C1QL4: variants seen among roughly 807,000 people sequenced by gnomAD.
C1QL4 encodes the protein complement C1q-like protein 4.
Under a neutral mutation model 13.4 loss-of-function variants are expected in C1QL4, and 5 were observed. The observed-to-expected ratio is 0.37, with a 90% CI of 0.19 to 0.78. C1QL4 has a LOEUF of 0.78. C1QL4 is among the 30% of genes least tolerant of loss of function. The pLI is 0.47. For missense variants in C1QL4, 367 were observed against 361.6 expected, an observed-to-expected ratio of 1.01 and a Z score of -0.12; for synonymous variants, 168 against 153.9, an observed-to-expected ratio of 1.09 and a Z score of -0.68.
rs138041050 is a variant in C1QL4, at chr12:49,336,124, C to T, written c.354G>A (p.Arg118=). ...GCAGCACCTCGTAACCCTCGTGGGG[C>T]CGCCGCAGGCCCGCGTAGAAAGCAA... ...PRIAFYAGLR[R]PHEGYEVLRF... The change falls in exon 1 of 2, where the codon CGG becomes CGA. Residue 118 remains arginine (R), a synonymous_variant. Coordinates refer to ENST00000334221, the MANE Select transcript of C1QL4 (RefSeq NM_001008223.2). This position sits in a 1 kb window ranked among gnomAD's most constrained non-coding sequence, Gnocchi z 7.7. The T allele has an allele frequency of 3.3e-5, 53 of 1,611,178 alleles. No individual in the cohort carries two copies. In the African/African-American group the frequency reaches 6.8e-4, roughly 21 times the overall value.
rs1214504465 is a variant in C1QL4 at position 49,336,165 on chromosome 12, C to G, written c.313G>C (p.Gly105Arg). The G allele has an allele frequency of 3.1e-6, 5 of 1,601,014 alleles. No individual in the cohort carries two copies. The highest frequency in any genetic ancestry group is 4.3e-6 in the Non-Finnish European group (5 of 1,173,980). The stretch of plus-strand genomic sequence containing the variant: ...TAGAAAGCAATGCGAGGCACGTAGC[C>G]GGCAGCGGGCGCCACCCCGCCCGGA... ...PGPGGVAPAA[G>R]YVPRIAFYAG... Residue 105 changes from glycine to arginine, a missense_variant, in exon 1 of 2, where the codon GGC becomes CGC. Coordinates refer to ENST00000334221, the MANE Select transcript of C1QL4 (RefSeq NM_001008223.2). The surrounding 1 kb of genome is among the most constrained non-coding windows in gnomAD (Gnocchi z 7.7).
rs1010134908 is a variant in C1QL4, at chr12:49,336,610, T to C, written c.-133A>G. The C allele has an allele frequency of 4.7e-6, 5 of 1,068,528 alleles. No individual in the cohort carries two copies. In the East Asian group the frequency reaches 9.7e-5, roughly 21 times the overall value. The allele number at this position is 1,068,528 out of a possible 1,614,324, so 66.2% of individuals were successfully genotyped here. On this transcript the variant is annotated 5_prime_UTR_variant, in exon 1 of 2. Transcript: ENST00000334221. This position sits in a 1 kb window ranked among gnomAD's most constrained non-coding sequence, Gnocchi z 7.7. ...GGGCTCTCCGCGGGCCAGGAGGCGG[T>C]GACCCGCCTTGGGCCTGGGTCTGCA...
In C1QL4 at chr12:49,332,901, C is replaced by G. The variant is rs953009877; in HGVS notation, c.*153G>C. The G allele has an allele frequency of 6.5e-6, 5 of 770,202 alleles. No homozygotes were observed. Among genetic ancestry groups the G allele is most frequent in the Non-Finnish European group, 1.0e-5 (5 of 491,036 alleles). 47.7% of individuals were successfully genotyped at this position (770,202 alleles called of 1,614,324 possible). A position where few individuals can be genotyped will look rare whatever the true frequency, so the allele number is the denominator to read the frequency against. ...CCCGGCCACTTATACCCTTGAGCAC[C>G]AAGAGTTCGCCCATTTAGGCCGCCT... On this transcript the variant is annotated 3_prime_UTR_variant, in exon 2 of 2. Coordinates refer to ENST00000334221, the MANE Select transcript of C1QL4 (RefSeq NM_001008223.2).
chr12:49,336,556 A>C lies in C1QL4; in HGVS notation c.-79T>G, dbSNP rs1592317330. 1 of 1,365,312 alleles carries C rather than the reference A, an allele frequency of 7.3e-7. No homozygotes were observed. The highest frequency in any genetic ancestry group is 1.7e-5 in the South Asian group (1 of 60,090). 84.6% of individuals were successfully genotyped at this position (1,365,312 alleles called of 1,614,324 possible). ...CTGCCAGGGCCAGCAAATCTTCCTCACTCTTGGGCGCAATGGCTGCCGGGG... is the reference window on the plus strand; with the variant it reads ...CTGCCAGGGCCAGCAAATCTTCCTCCCTCTTGGGCGCAATGGCTGCCGGGG... On this transcript the variant is annotated 5_prime_UTR_variant, in exon 1 of 2. Transcript: ENST00000334221. This position sits in a 1 kb window ranked among gnomAD's most constrained non-coding sequence, Gnocchi z 7.7.
intron 1 of C1QL4, among the ~76,000 whole-genome samples, chr12:49,335,677 A>G (rs7299812): frequency 0.26 from 39,041 of 152,136 alleles, 6,098 homozygotes; most frequent in African/African-American, 0.44. Context: ...ATGTGAGGTC[A>G]CAGCTGCAGA....
At position 49,336,495 on chromosome 12, in the gene C1QL4, C is replaced by T. The variant is rs1473811518; in HGVS notation, c.-18G>A. 2.0e-6 allele frequency: 3 copies of T among 1,480,396 alleles called. No homozygotes were observed. The highest frequency in any genetic ancestry group is 2.7e-5 in the South Asian group (2 of 74,288). 91.7% of individuals were successfully genotyped at this position (1,480,396 alleles called of 1,614,324 possible). A position where few individuals can be genotyped will look rare whatever the true frequency, so the allele number is the denominator to read the frequency against. The stretch of plus-strand genomic sequence containing the variant: ...AGCACCATGGCCACTCCGACGGCCG[C>T]GCCCGCCACCCTCTTGCGGCGGCTC... On this transcript the variant is annotated 5_prime_UTR_variant, in exon 1 of 2. Transcript: ENST00000334221. This position sits in a 1 kb window ranked among gnomAD's most constrained non-coding sequence, Gnocchi z 7.7.
chr12:49,332,866 T>A lies in C1QL4; in HGVS notation c.*188A>T. On this transcript the variant is annotated 3_prime_UTR_variant, in exon 2 of 2. Transcript: ENST00000334221. ...GTCGCTCTGCTCCTCTGGCCGGGTCTCCTCCTCTTCCCGGCCACTTATACC... is the reference window on the plus strand; with the variant it reads ...GTCGCTCTGCTCCTCTGGCCGGGTCACCTCCTCTTCCCGGCCACTTATACC... 1 of 642,216 alleles carries A rather than the reference T, an allele frequency of 1.6e-6. No homozygotes were observed. Among genetic ancestry groups the A allele is most frequent in the African/African-American group, 1.8e-5 (1 of 54,374 alleles). The allele number at this position is 642,216 out of a possible 1,614,324, so 39.8% of individuals were successfully genotyped here.
In C1QL4 at chr12:49,333,165, C is replaced by G; in HGVS notation, c.606G>C (p.Leu202=). Residue 202 remains leucine (L), a synonymous_variant, in exon 2 of 2, where the codon CTG becomes CTC. Transcript: ENST00000334221. ...NYDYASNSVI[L]HLDVGDEVFI... ...AGACCTCGTCGCCCACGTCCAGGTG[C>G]AGAATGACGCTGTTGCTGGCGTAGT... is the stretch of plus-strand genomic sequence containing the variant. 1.9e-6 allele frequency: 3 copies of G among 1,614,148 alleles called. No individual in the cohort carries two copies. Among genetic ancestry groups the G allele is most frequent in the Admixed American group, 3.3e-5 (2 of 60,024 alleles).
In C1QL4 at chr12:49,336,108, C is replaced by T. The variant is rs772842746; in HGVS notation, c.370G>A (p.Glu124Lys). 6.8e-6 allele frequency: 11 copies of T among 1,611,810 alleles called. No homozygotes were observed. The highest frequency in any genetic ancestry group is 4.4e-5 in the South Asian group (4 of 91,010). Residue 124 changes from glutamate to lysine, a missense_variant, in exon 1 of 2, where the codon GAG becomes AAG. By Grantham distance (56) the Glu-to-Lys change is moderately conservative. Transcript: ENST00000334221. This position sits in a 1 kb window ranked among gnomAD's most constrained non-coding sequence, Gnocchi z 7.7. ...AGLRRPHEGY[E>K]VLRFDDVVTN... ...ACCACGTCGTCGAAGCGCAGCACCT[C>T]GTAACCCTCGTGGGGCCGCCGCAGG...
Position 49,336,528 on chromosome 12 carries a change from A to G in C1QL4, c.-51T>C, listed in dbSNP as rs755909628. On this transcript the variant is annotated 5_prime_UTR_variant, in exon 1 of 2. Transcript: ENST00000334221. The surrounding 1 kb of genome is among the most constrained non-coding windows in gnomAD (Gnocchi z 7.7). ...ACCCTCTTGCGGCGGCTCAGCCGCG[A>G]CGCTGCCAGGGCCAGCAAATCTTCC... 2.1e-6 allele frequency: 3 copies of G among 1,432,666 alleles called. No homozygotes were observed. The highest frequency in any genetic ancestry group is 6.1e-5 in the Admixed American group (2 of 32,690). 88.7% of individuals were successfully genotyped at this position (1,432,666 alleles called of 1,614,324 possible).
Position 49,336,840 on chromosome 12 carries a change from G to T in C1QL4, c.-363C>A. ...GGGCACCTGAGATCCGCGGCTTCTC[G>T]GACGGCTGGTTTCTTAGGGATCTGA... On this transcript the variant is annotated 5_prime_UTR_variant, in exon 1 of 2. Transcript: ENST00000334221. The surrounding 1 kb of genome is among the most constrained non-coding windows in gnomAD (Gnocchi z 7.7). The T allele has an allele frequency of 4.3e-6, 1 of 231,580 alleles. No homozygotes were observed. The allele number at this position is 231,580 out of a possible 1,614,324, so 14.3% of individuals were successfully genotyped here. A position where few individuals can be genotyped will look rare whatever the true frequency, so the allele number is the denominator to read the frequency against.
At position 49,336,845 on chromosome 12, in the gene C1QL4, G is replaced by A; in HGVS notation, c.-368C>T. 1 of 223,060 alleles carries A rather than the reference G, an allele frequency of 4.5e-6. No homozygotes were observed. Among genetic ancestry groups the A allele is most frequent in the Non-Finnish European group, 8.8e-6 (1 of 113,754 alleles). The allele number at this position is 223,060 out of a possible 1,614,324, so 13.8% of individuals were successfully genotyped here. Reference sequence around the variant, plus strand: ...CCTGAGATCCGCGGCTTCTCGGACGGCTGGTTTCTTAGGGATCTGAGATGC... The same window carrying A: ...CCTGAGATCCGCGGCTTCTCGGACGACTGGTTTCTTAGGGATCTGAGATGC... On this transcript the variant is annotated 5_prime_UTR_variant, in exon 1 of 2. Transcript: ENST00000334221. This position sits in a 1 kb window ranked among gnomAD's most constrained non-coding sequence, Gnocchi z 7.7.
At chr12:49,335,311 G>C (rs539983198) in intron 1 of C1QL4, among the ~76,000 whole-genome samples, 1 of 152,382 alleles carries the variant, frequency 6.6e-6, no homozygotes, top group South Asian at 2.1e-4. Context: ...CCAAGCCACA[G>C]ACTCTGCTGA....
chr12:49,334,936 G>A (rs1169146120), intron 1 of C1QL4, among the ~76,000 whole-genome samples: 1 of 152,074 alleles, frequency 6.6e-6, no homozygotes, highest in Non-Finnish European at 1.5e-5. Flanking sequence ...GAAGCTCCTG[G>A]GTCGCCACCA....
chr12:49,335,865 C>G, intron 1 of C1QL4, 76 bp downstream of exon 1: 3 of 1,500,510 alleles, frequency 2.0e-6, no homozygotes, highest in Non-Finnish European at 1.8e-6. Context: ...GGGGAATAAT[C>G]TCAGGTTGTG....
Position 49,336,698 on chromosome 12 carries a change from G to A in C1QL4, c.-221C>T. ...CTCTGCGGGCTCCAGCCGCGGCGGT[G>A]CCGCTCCCCAAGCCGTCCGTCAAGG... On this transcript the variant is annotated 5_prime_UTR_variant, in exon 1 of 2. Transcript: ENST00000334221. This position sits in a 1 kb window ranked among gnomAD's most constrained non-coding sequence, Gnocchi z 7.7. 1.9e-6 allele frequency: 1 copy of A among 514,216 alleles called. No homozygotes were observed. Among genetic ancestry groups the A allele is most frequent in the Non-Finnish European group, 3.3e-6 (1 of 306,548 alleles). The allele number at this position is 514,216 out of a possible 1,614,324, so 31.9% of individuals were successfully genotyped here.
chr12:49,335,314 T>A (rs1486980355), intron 1 of C1QL4, among the ~76,000 whole-genome samples: 1 of 152,238 alleles, frequency 6.6e-6, no homozygotes, highest in Admixed American at 6.5e-5. Context: ...AGCCACAGAC[T>A]CTGCTGAGGG....
In C1QL4 at chr12:49,336,023, C is replaced by T; in HGVS notation, c.455G>A (p.Gly152Asp). The T allele has an allele frequency of 6.2e-7, 1 of 1,611,696 alleles. No individual in the cohort carries two copies. The highest frequency in any genetic ancestry group is 8.5e-7 in the Non-Finnish European group (1 of 1,179,736). ...CACGTGGTAAGCGAAGAAGTAGACG[C>T]CTGGCATGGGGCAAGTAAACTTGCC... Reference protein sequence around the residue: ...ASGKFTCPMPGVYFFAYHVLM... With the variant: ...ASGKFTCPMPDVYFFAYHVLM... Residue 152 changes from glycine (G) to aspartate (D), a missense_variant, in exon 1 of 2, where the codon GGC (glycine) becomes GAC (aspartate). By Grantham distance (94) the Gly-to-Asp change is moderately conservative. Transcript: ENST00000334221. The surrounding 1 kb of genome is among the most constrained non-coding windows in gnomAD (Gnocchi z 7.7).
chr12:49,332,542 C>T lies in C1QL4; in HGVS notation c.*512G>A. ...AGAATTCACTGGTTCCTCCAGTTCA[C>T]AGGAAGGCTGCCAAGGCTGGAGCCT... On this transcript the variant is annotated 3_prime_UTR_variant, in exon 2 of 2. Coordinates refer to ENST00000334221, the MANE Select transcript of C1QL4 (RefSeq NM_001008223.2). 1 of 161,634 alleles carries T rather than the reference C, an allele frequency of 6.2e-6. No homozygotes were observed. The highest frequency in any genetic ancestry group is 1.4e-5 in the Non-Finnish European group (1 of 72,776). 10.0% of individuals were successfully genotyped at this position (161,634 alleles called of 1,614,324 possible). A position where few individuals can be genotyped will look rare whatever the true frequency, so the allele number is the denominator to read the frequency against.
Sources: gnomAD v4.1 joint callset for allele counts (sites outside exome capture counted in the v4.1 genomes callset) on GRCh38, gnomAD v4.1.1 for gene constraint, Gnocchi (gnomAD v3.1) non-coding constraint, MANE v1.5 for transcripts, NCBI Gene and HGNC (gene_info 2026-07-23, HGNC 2026-07-21) for gene names.